Variants in PAPSS2 observed in about 807,000 individuals in gnomAD.
The protein encoded by PAPSS2 is 3'-phosphoadenosine 5'-phosphosulfate synthase 2, also known as bifunctional 3'-phosphoadenosine 5'-phosphosulfate synthase 2.
A neutral mutation model predicts 66.5 loss-of-function variants in PAPSS2; 61 were observed. The ratio of observed to expected loss-of-function variants is 0.92; its 90% CI spans 0.75 to 1.14. The LOEUF is 1.14. Ranked by LOEUF, PAPSS2 falls within the 50% of genes most tolerant of loss-of-function variation. The probability of loss-of-function intolerance (pLI) is 0.00; values close to 1 mark genes in which losing one functional copy is unlikely to be tolerated. For missense variants in PAPSS2, 708 were observed against 789.6 expected (o/e 0.90, Z 1.24); for synonymous variants, 289 against 287.5 (o/e 1.01, Z -0.05).
At chr10:87,662,012 T>C (rs1027545916) in intron 1 of PAPSS2, among the ~76,000 whole-genome samples, 1 of 152,208 alleles carries the variant, frequency 6.6e-6, no homozygotes, top group Non-Finnish European at 1.5e-5. Context: ...TTTGAAACCT[T>C]GCAGGCCAAA....
intron 9 of PAPSS2, among the ~76,000 whole-genome samples, chr10:87,731,912 T>G (rs1435932982): frequency 1.3e-5 from 2 of 152,174 alleles, no homozygotes; most frequent in Non-Finnish European, 2.9e-5. Flanking sequence ...CAACAAAGTA[T>G]TCAGAATATT....
At chr10:87,688,443 T>TTTTATTTATTTATTTA (rs60199058) in intron 1 of PAPSS2, among the ~76,000 whole-genome samples, 154 of 138,112 alleles carry the variant, frequency 1.1e-3, no homozygotes, top group Admixed American at 3.9e-3. Flanking sequence ...TTCTTTTTTA[T>TTTTATTTATTTATTTA]TTTATTTATT....
At chr10:87,683,329 G>A (rs968673783) in intron 1 of PAPSS2, among the ~76,000 whole-genome samples, 1 of 151,288 alleles carries the variant, frequency 6.6e-6, no homozygotes, top group African/African-American at 2.4e-5. Context: ...CTGACCTCAG[G>A]TGATCCACCC....
chr10:87,745,117 A>G lies in PAPSS2; in HGVS notation c.1607A>G (p.His536Arg), dbSNP rs794727052. The change falls in exon 12 of 13, where the codon CAT becomes CGT. Residue 536 changes from histidine (H) to arginine (R), a missense_variant. By Grantham distance (29) the His-to-Arg change is conservative. Coordinates refer to ENST00000456849, the MANE Select transcript of PAPSS2 (RefSeq NM_001015880.2). ...ETKKDLYEPTHGGKVLSMAPG... is the reference protein window; with the variant it reads ...ETKKDLYEPTRGGKVLSMAPG... ...AAGAAGGATCTGTATGAACCCACTC[A>G]TGGGGGCAAGGTCTTGAGCATGGCC... is the stretch of plus-strand genomic sequence containing the variant. 12 of 1,614,122 alleles carry G rather than the reference A, an allele frequency of 7.4e-6. No homozygotes were observed. In the Admixed American group the frequency reaches 1.5e-4, roughly 20 times the overall value.
chr10:87,744,571 T>C (rs746579839), intron 11 of PAPSS2, among the ~76,000 whole-genome samples: 3 of 152,264 alleles, frequency 2.0e-5, no homozygotes, highest in Non-Finnish European at 4.4e-5. Flanking sequence ...TATGTTGAAC[T>C]GAAATCAGCA....
chr10:87,705,795 A>G (rs1412057412), intron 1 of PAPSS2, among the ~76,000 whole-genome samples: 1 of 150,240 alleles, frequency 6.7e-6, no homozygotes, highest in Non-Finnish European at 1.5e-5. Context: ...GCGTAGTGGC[A>G]TGATCTCGGG....
chr10:87,734,123 C>G lies in PAPSS2; in HGVS notation c.1086+6634C>G, dbSNP rs186641152. Among the ~76,000 whole-genome samples the G allele has an allele frequency of 2.1e-3, 315 of 152,270 alleles. 1 individual carries two copies. The highest frequency in any genetic ancestry group is 3.7e-4 in the Non-Finnish European group (25 of 68,030). Reference sequence around the variant, plus strand: ...GAATTATTCAACTTTTCTTTGGAAACCCCTTTATTAAGATACAATTTACCG... The same window carrying G: ...GAATTATTCAACTTTTCTTTGGAAAGCCCTTTATTAAGATACAATTTACCG... On this transcript the variant is annotated intron_variant, in intron 9 of 12. Transcript: ENST00000456849.
chr10:87,706,328 A>G (rs913784515), intron 1 of PAPSS2, among the ~76,000 whole-genome samples: 4 of 151,466 alleles, frequency 2.6e-5, no homozygotes, highest in African/African-American at 9.7e-5. Context: ...ATAATCAAGT[A>G]AACTGATTTT....
At chr10:87,744,450 C>T (rs2131731881) in intron 11 of PAPSS2, among the ~76,000 whole-genome samples, 1 of 152,268 alleles carries the variant, frequency 6.6e-6, no homozygotes, top group Middle Eastern at 3.4e-3. Flanking sequence ...TTTGGAATGC[C>T]CCAAACTGAG....
intron 2 of PAPSS2, among the ~76,000 whole-genome samples, chr10:87,709,677 C>T (rs961179492): frequency 1.3e-5 from 2 of 152,166 alleles, no homozygotes; most frequent in African/African-American, 2.4e-5. Context: ...ATGAGGCTTT[C>T]CTAATTTGAC....
intron 11 of PAPSS2, among the ~76,000 whole-genome samples, chr10:87,744,212 G>A (rs12250507): frequency 0.019 from 2,856 of 152,310 alleles, 81 homozygotes; most frequent in African/African-American, 0.064. Context: ...TTAACTGGGT[G>A]ATAGGGCAAG....
chr10:87,741,475 A>T, intron 10 of PAPSS2, 105 bp downstream of exon 10: 1 of 932,168 alleles, frequency 1.1e-6, no homozygotes, highest in Non-Finnish European at 1.7e-6. Flanking sequence ...GCTCACTGCA[A>T]CCTCTGCCTC....
intron 9 of PAPSS2, among the ~76,000 whole-genome samples, chr10:87,740,517 A>G (rs557449827): frequency 2.0e-4 from 31 of 152,360 alleles, no homozygotes; most frequent in African/African-American, 7.5e-4. Flanking sequence ...ATTCATGGGT[A>G]AATGATTCAT....
intron 3 of PAPSS2, 32 bp from the exon 4 acceptor site, chr10:87,714,012 C>A (rs775166177): frequency 6.2e-7 from 1 of 1,612,400 alleles, no homozygotes; most frequent in Non-Finnish European, 8.5e-7. Context: ...CGTGAAACCT[C>A]TTTTTACATT....
chr10:87,713,159 A>T lies in PAPSS2; in HGVS notation c.230A>T (p.Asp77Val). The T allele has an allele frequency of 6.2e-7, 1 of 1,613,380 alleles. No homozygotes were observed. The highest frequency in any genetic ancestry group is 8.5e-7 in the Non-Finnish European group (1 of 1,179,620). ...CATGCCATCCCTTGTTACTCCCTGG[A>T]TGGGGACAATGTCCGTCATGGCCTT... ...VSHAIPCYSL[D>V]GDNVRHGLNR... The change falls in exon 3 of 13, where the codon GAT becomes GTT. Residue 77 changes from aspartate (D) to valine (V), a missense_variant. Physicochemically the swap from Asp to Val is radical, Grantham distance 152. Transcript: ENST00000456849.
chr10:87,661,050 C>T, intron 1 of PAPSS2: 1 of 455,558 alleles, frequency 2.2e-6, no homozygotes, highest in South Asian at 1.6e-5. Context: ...GCAATGGACA[C>T]ATAGTAGGTG....
intron 1 of PAPSS2, among the ~76,000 whole-genome samples, chr10:87,698,651 A>G (rs895616951): frequency 6.6e-6 from 1 of 152,202 alleles, no homozygotes; most frequent in Non-Finnish European, 1.5e-5. Context: ...AGCATGATCT[A>G]TTGTTGGCTC....
intron 1 of PAPSS2, chr10:87,703,912 GAC>G (rs1315333875): frequency 8.0e-6 from 4 of 499,950 alleles, no homozygotes; most frequent in African/African-American, 7.9e-5. Flanking sequence ...CAGCAAGACA[GAC>G]ATTTTTTCCT....
chr10:87,741,689 C>A (rs561784231), intron 10 of PAPSS2, among the ~76,000 whole-genome samples: 15 of 151,166 alleles, frequency 9.9e-5, no homozygotes, highest in Non-Finnish European at 1.6e-4. Flanking sequence ...GCCACTGCAC[C>A]CGGCCCCTAG....
Sources: allele counts gnomAD v4.1 joint callset (sites outside exome capture counted in the v4.1 genomes callset), GRCh38; gene constraint gnomAD v4.1.1; transcripts MANE v1.5; gene names NCBI Gene and HGNC (gene_info 2026-07-23, HGNC 2026-07-21).